MYT1: variants seen among roughly 807,000 people sequenced by gnomAD.
MYT1 encodes myelin transcription factor I.
In MYT1, 23 loss-of-function variants were observed where a neutral mutation model predicts 123.0. The ratio of observed to expected loss-of-function variants is 0.19; its 90% CI spans 0.13 to 0.26. The LOEUF (loss-of-function observed/expected upper bound fraction) is 0.26, where lower values mean the gene tolerates loss of function less well. Among genes scored for constraint, MYT1 ranks in the 10% least tolerant of loss-of-function variants. The pLI is 1.00. For synonymous variants in MYT1, 518 were observed against 575.3 expected, an observed-to-expected ratio of 0.90 and a Z score of 1.43; for missense variants, 1,125 against 1,472.5, an observed-to-expected ratio of 0.76 and a Z score of 3.86.
rs192264227 is a variant in MYT1, at chr20:64,188,659, G to A, written c.-98-1404G>A. On this transcript the variant is annotated intron_variant, in intron 1 of 22. Coordinates refer to ENST00000328439, the MANE Select transcript of MYT1 (RefSeq NM_004535.3). ...CTATACCCCACATCCCTGTCACAGA[G>A]TTGAGAATTGGATTACCTGGTGGGC... Among the ~76,000 whole-genome samples, 251 of 152,324 alleles carry A rather than the reference G, an allele frequency of 1.6e-3. 1 individual carries two copies. Among genetic ancestry groups the A allele is most frequent in the Middle Eastern group, 0.01 (3 of 294 alleles).
chr20:64,187,570 G>A (rs1380053918), intron 1 of MYT1, among the ~76,000 whole-genome samples: 3 of 152,282 alleles, frequency 2.0e-5, no homozygotes, highest in Non-Finnish European at 4.4e-5. Context: ...GGGACTTAAT[G>A]TGCTGCTAGA....
At position 64,208,460 on chromosome 20, in the gene MYT1, A is replaced by T; in HGVS notation, c.1264A>T (p.Thr422Ser). Reference sequence around the variant, plus strand: ...AGGGAAGGCAGCAAAGCCCCTGGACACTGTGCGGAAGAGTTACTACAGTAA... The same window carrying T: ...AGGGAAGGCAGCAAAGCCCCTGGACTCTGTGCGGAAGAGTTACTACAGTAA... ...EPGKAAKPLDTVRKSYYSKDP... is the reference protein window; with the variant it reads ...EPGKAAKPLDSVRKSYYSKDP... The change falls in exon 7 of 23, where the codon ACT becomes TCT. Residue 422 changes from threonine to serine, a missense_variant. Physicochemically the swap from Thr to Ser is moderately conservative, Grantham distance 58. Coordinates refer to ENST00000328439, the MANE Select transcript of MYT1 (RefSeq NM_004535.3). This position sits in a 1 kb window ranked among gnomAD's most constrained non-coding sequence, Gnocchi z 5.4. The T allele has an allele frequency of 6.2e-7, 1 of 1,610,992 alleles. No homozygotes were observed.
Position 64,218,730 on chromosome 20 carries a change from C to T in MYT1, c.1847-181C>T. 2.6e-6 allele frequency: 2 copies of T among 763,496 alleles called. No homozygotes were observed. Among genetic ancestry groups the T allele is most frequent in the South Asian group, 1.6e-5 (1 of 63,180 alleles). The allele number at this position is 763,496 out of a possible 1,614,324, so 47.3% of individuals were successfully genotyped here. ...CACTTCGATATAGCTGTGCCCTGGG[C>T]CCTCCCATCCCTCCCAAAGTGCCCC... On this transcript the variant is annotated intron_variant, in intron 11 of 22. Coordinates refer to ENST00000328439, the MANE Select transcript of MYT1 (RefSeq NM_004535.3). This position sits in a 1 kb window ranked among gnomAD's most constrained non-coding sequence, Gnocchi z 4.0.
Position 64,168,663 on chromosome 20 carries a change from A to G in MYT1, c.-99+3924A>G, listed in dbSNP as rs1982153871. The stretch of plus-strand genomic sequence containing the variant: ...AAGAGAGTGACTTTGTGCTCTGGCA[A>G]CTGAGTGTGTGGTTTGCCCTGGGGT... On this transcript the variant is annotated intron_variant, in intron 1 of 22. Coordinates refer to ENST00000328439, the MANE Select transcript of MYT1 (RefSeq NM_004535.3). The surrounding 1 kb of genome is among the most constrained non-coding windows in gnomAD (Gnocchi z 6.1). Among the ~76,000 whole-genome samples the G allele has an allele frequency of 6.6e-6, 1 of 152,152 alleles. No individual in the cohort carries two copies. The highest frequency in any genetic ancestry group is 2.4e-5 in the African/African-American group (1 of 41,430).
rs1982112840 is a variant in MYT1 at position 64,167,320 on chromosome 20, G to GGTGCGTCTACTTTGGAAAAGACTGAGTAA, written c.-99+2607_-99+2608insTAAGTGCGTCTACTTTGGAAAAGACTGAG. Among the ~76,000 whole-genome samples, 1 of 152,206 alleles carries GGTGCGTCTACTTTGGAAAAGACTGAGTAA rather than the reference G, an allele frequency of 6.6e-6. No individual in the cohort carries two copies. Among genetic ancestry groups the GGTGCGTCTACTTTGGAAAAGACTGAGTAA allele is most frequent in the Non-Finnish European group, 1.5e-5 (1 of 68,036 alleles). On this transcript the variant is annotated intron_variant, in intron 1 of 22. Transcript: ENST00000328439. This position sits in a 1 kb window ranked among gnomAD's most constrained non-coding sequence, Gnocchi z 6.3. ...CTTCCTGGACGGACTCAGTGCAAAA[G>GGTGCGTCTACTTTGGAAAAGACTGAGTAA]GTGCGTCTACTTTGGAAAAGACTGA...
chr20:64,237,404 C>T lies in MYT1; in HGVS notation c.3093+14C>T. ...CTGCAGTCCCAGGTAGGTGGTGCCG[C>T]CCCCCGCTCCTGGGCTCTTTGCCCA... On this transcript the variant is annotated intron_variant, in intron 21 of 22. Transcript: ENST00000328439. 6.3e-7 allele frequency: 1 copy of T among 1,582,794 alleles called. No individual in the cohort carries two copies. The highest frequency in any genetic ancestry group is 8.6e-7 in the Non-Finnish European group (1 of 1,162,844).
At chr20:64,199,666 G>A (rs956863691) in intron 3 of MYT1, among the ~76,000 whole-genome samples, 3 of 152,164 alleles carry the variant, frequency 2.0e-5, no homozygotes, top group Admixed American at 6.5e-5. Context: ...CTTCTGCGGC[G>A]AGCACCAGGC....
intron 1 of MYT1, among the ~76,000 whole-genome samples, chr20:64,188,294 C>T (rs1982870526): frequency 6.6e-6 from 1 of 152,190 alleles, no homozygotes; most frequent in Non-Finnish European, 1.5e-5. Context: ...GGCAGCGTCT[C>T]CTCTGGAGCA....
intron 1 of MYT1, among the ~76,000 whole-genome samples, chr20:64,170,350 C>G (rs1409059006): frequency 6.6e-6 from 1 of 152,170 alleles, no homozygotes; most frequent in Non-Finnish European, 1.5e-5. Context: ...TCCGGGAGAG[C>G]CTGCAGGCAA....
intron 6 of MYT1, 117 bp from the exon 7 acceptor site, chr20:64,207,477 C>G (rs1375500714): frequency 6.7e-6 from 10 of 1,501,196 alleles, no homozygotes; most frequent in Non-Finnish European, 5.3e-6. Flanking sequence ...CCCCTTGGCT[C>G]CCGTATAAAG....
chr20:64,208,069 A>G lies in MYT1; in HGVS notation c.873A>G (p.Glu291=), dbSNP rs564147735. Reference sequence around the variant, plus strand: ...AGGAAGAGGAAGAGGAGGAGGAGGAAGAGGAAGAGGAGGAGGAAGAGGAAG... The same window carrying G: ...AGGAAGAGGAAGAGGAGGAGGAGGAGGAGGAAGAGGAGGAGGAAGAGGAAG... ...EEEEEEEEEE[E]EEEEEEEEEE... The change falls in exon 7 of 23, where the codon GAA becomes GAG. Residue 291 remains glutamate, a synonymous_variant. Transcript: ENST00000328439. This position sits in a 1 kb window ranked among gnomAD's most constrained non-coding sequence, Gnocchi z 5.4. The G allele has an allele frequency of 2.8e-5, 44 of 1,597,428 alleles. No individual in the cohort carries two copies. The East Asian group carries it at 6.3e-4, about 23-fold the overall frequency.
At chr20:64,176,342 G>A (rs1345475133) in intron 1 of MYT1, among the ~76,000 whole-genome samples, 177 of 129,450 alleles carry the variant, frequency 1.4e-3, no homozygotes, top group African/African-American at 4.9e-3. Context: ...TCCTCCTGCA[G>A]CATCTTTCCC....
In MYT1 at chr20:64,213,659, G is replaced by A; in HGVS notation, c.1631+12G>A. The A allele has an allele frequency of 3.7e-6, 6 of 1,610,008 alleles. No homozygotes were observed. The highest frequency in any genetic ancestry group is 5.1e-6 in the Non-Finnish European group (6 of 1,176,628). On this transcript the variant is annotated intron_variant, in intron 10 of 22. Coordinates refer to ENST00000328439, the MANE Select transcript of MYT1 (RefSeq NM_004535.3). This position sits in a 1 kb window ranked among gnomAD's most constrained non-coding sequence, Gnocchi z 5.6. Reference sequence around the variant, plus strand: ...GATCGGATCCTCAGGTGAGTGAGATGAGCCACAGAACTGAAGAGGCTGCCT... The same window carrying A: ...GATCGGATCCTCAGGTGAGTGAGATAAGCCACAGAACTGAAGAGGCTGCCT...
chr20:64,173,248 C>T (rs964124457), intron 1 of MYT1, among the ~76,000 whole-genome samples: 2 of 152,168 alleles, frequency 1.3e-5, no homozygotes, highest in African/African-American at 4.8e-5. Flanking sequence ...AATTTCCCTC[C>T]CCTCCTGAGC....
In MYT1 at chr20:64,208,535, T is replaced by C. The variant is rs59834539; in HGVS notation, c.1291+48T>C. 357,299 of 1,531,056 alleles carry C rather than the reference T, an allele frequency of 0.23. 42,863 individuals are homozygous for C. The highest frequency in any genetic ancestry group is 0.27 in the Middle Eastern group (1,289 of 4,846). 94.8% of individuals were successfully genotyped at this position (1,531,056 alleles called of 1,614,324 possible). A position where few individuals can be genotyped will look rare whatever the true frequency, so the allele number is the denominator to read the frequency against. On this transcript the variant is annotated intron_variant, in intron 7 of 22. Transcript: ENST00000328439. This position sits in a 1 kb window ranked among gnomAD's most constrained non-coding sequence, Gnocchi z 5.4. ...CCCTGCAGACTCATCCTTTCACCCC[T>C]GCCCCAGGTGTGCAGATGCAGGCTG...
chr20:64,197,938 C>A (rs79752379), intron 2 of MYT1, among the ~76,000 whole-genome samples: 1 of 152,262 alleles, frequency 6.6e-6, no homozygotes, highest in South Asian at 2.1e-4. Flanking sequence ...GGGCTGGGGC[C>A]GCTCCAGGTT....
chr20:64,183,425 T>C (rs1601702895), intron 1 of MYT1, among the ~76,000 whole-genome samples: 1 of 152,246 alleles, frequency 6.6e-6, no homozygotes, highest in Admixed American at 6.5e-5. Flanking sequence ...TAACTCTATG[T>C]TGAACATTTT....
At chr20:64,181,530 C>T (rs1982651334) in intron 1 of MYT1, among the ~76,000 whole-genome samples, 1 of 152,190 alleles carries the variant, frequency 6.6e-6, no homozygotes, top group African/African-American at 2.4e-5. Context: ...ATTAAGCCTT[C>T]CCAAACAAGT....
At chr20:64,238,017 A>G (rs1263262126) in intron 21 of MYT1, among the ~76,000 whole-genome samples, 3 of 152,198 alleles carry the variant, frequency 2.0e-5, no homozygotes, top group African/African-American at 7.2e-5. Context: ...AGTGCCGTCG[A>G]TGAGAGCTGC....
Sources: gnomAD v4.1 joint callset for allele counts (sites outside exome capture counted in the v4.1 genomes callset) on GRCh38, gnomAD v4.1.1 for gene constraint, Gnocchi (gnomAD v3.1) non-coding constraint, MANE v1.5 for transcripts, NCBI Gene and HGNC (gene_info 2026-07-23, HGNC 2026-07-21) for gene names.